Variants in POPDC1 observed in about 807,000 individuals in gnomAD.
POPDC1 encodes the protein popeye domain cAMP effector 1.
the POPDC1 span, among the ~76,000 whole-genome samples, chr6:105,129,682 T>C: frequency 6.6e-6 from 1 of 152,118 alleles, no homozygotes; most frequent in East Asian, 1.9e-4. Flanking sequence ...ACACTACGTT[T>C]TATTGATCTG....
At chr6:105,124,363 C>A in the POPDC1 span, among the ~76,000 whole-genome samples, 2 of 118,732 alleles carry the variant, frequency 1.7e-5, no homozygotes, top group African/African-American at 6.7e-5. Flanking sequence ...GCCTGGGCGA[C>A]AGTGCAAGAC....
chr6:105,127,614 A>AT, the POPDC1 span, among the ~76,000 whole-genome samples: 1 of 150,822 alleles, frequency 6.6e-6, no homozygotes, highest in Non-Finnish European at 1.5e-5. Context: ...TGATTTTTAA[A>AT]TTTTTTGTAG....
chr6:105,109,946 T>A, the POPDC1 span, among the ~76,000 whole-genome samples: 1 of 151,900 alleles, frequency 6.6e-6, no homozygotes, highest in Non-Finnish European at 1.5e-5. Context: ...TATCTATGTA[T>A]ATTAACTTGA....
chr6:105,116,799 C>T, the POPDC1 span: 2 of 1,612,590 alleles, frequency 1.2e-6, no homozygotes, highest in African/African-American at 1.3e-5. Flanking sequence ...GGTTCTGATT[C>T]CAGAAAGTAT....
At chr6:105,125,560 GT>G in the POPDC1 span, 22 of 1,613,848 alleles carry the variant, frequency 1.4e-5, no homozygotes, top group Non-Finnish European at 1.7e-5. Context: ...ATGCCACTGA[GT>G]TCCTTTTCAA....
At chr6:105,113,978 A>G in the POPDC1 span, among the ~76,000 whole-genome samples, 41 of 152,164 alleles carry the variant, frequency 2.7e-4, no homozygotes, top group East Asian at 7.7e-3. Context: ...AACAAAACAA[A>G]AACAAACAAA....
chr6:105,135,127 T>C, the POPDC1 span, among the ~76,000 whole-genome samples: 2 of 152,130 alleles, frequency 1.3e-5, no homozygotes, highest in Non-Finnish European at 2.9e-5. Flanking sequence ...GTACCTACAC[T>C]CCCATTGTCC....
chr6:105,125,883 T>C, the POPDC1 span, among the ~76,000 whole-genome samples: 172 of 151,826 alleles, frequency 1.1e-3, 2 homozygotes, highest in Middle Eastern at 6.8e-3. Context: ...GGTAACACAG[T>C]GAGGCTCTAT....
the POPDC1 span, among the ~76,000 whole-genome samples, chr6:105,106,694 CA>C: frequency 6.6e-6 from 1 of 152,164 alleles, no homozygotes; most frequent in African/African-American, 2.4e-5. Context: ...GCTGCAAGGG[CA>C]AACAAAACAT....
At chr6:105,117,654 T>G in the POPDC1 span, among the ~76,000 whole-genome samples, 1 of 152,278 alleles carries the variant, frequency 6.6e-6, no homozygotes, top group African/African-American at 2.4e-5. Context: ...TGTTAACACT[T>G]CCATCAGTTA....
the POPDC1 span, chr6:105,124,620 T>G: frequency 4.3e-6 from 7 of 1,612,516 alleles, no homozygotes; most frequent in Non-Finnish European, 5.1e-6. Flanking sequence ...GGGGTAAATG[T>G]TATGCAGAAA....
the POPDC1 span, chr6:105,137,147 C>A: frequency 6.6e-6 from 1 of 151,618 alleles, no homozygotes; most frequent in Non-Finnish European, 1.5e-5. Flanking sequence ...AAGCCCGCAG[C>A]CGCTTTGACT....
At chr6:105,116,872 C>A in the POPDC1 span, 1 of 1,609,492 alleles carries the variant, frequency 6.2e-7, no homozygotes, top group Non-Finnish European at 8.5e-7. Flanking sequence ...TGGTGACCTG[C>A]CAAAGAAACA....
chr6:105,116,809 T>C, the POPDC1 span: 8 of 1,612,538 alleles, frequency 5.0e-6, no homozygotes, highest in Non-Finnish European at 8.5e-7. Flanking sequence ...CCAGAAAGTA[T>C]GTTAATCTTT....
At chr6:105,101,808 AG>A in the POPDC1 span, among the ~76,000 whole-genome samples, 1 of 152,156 alleles carries the variant, frequency 6.6e-6, no homozygotes, top group Admixed American at 6.5e-5. Flanking sequence ...GCAGGAGAAA[AG>A]GCAACCCCAG....
chr6:105,136,271 A>G, the POPDC1 span: 2 of 152,166 alleles, frequency 1.3e-5, no homozygotes, highest in African/African-American at 4.8e-5. Context: ...CTGGCCAACA[A>G]CCCGTTCCCA....
chr6:105,116,676 CAAAAT>C, the POPDC1 span: 1 of 1,529,124 alleles, frequency 6.5e-7, no homozygotes, highest in East Asian at 2.3e-5. Flanking sequence ...ATTTATTTAA[CAAAAT>C]AAACTCAGAG....
chr6:105,129,679 G>A, the POPDC1 span, among the ~76,000 whole-genome samples: 3 of 152,094 alleles, frequency 2.0e-5, no homozygotes, highest in East Asian at 1.9e-4. Context: ...TAAACACTAC[G>A]TTTTATTGAT....
the POPDC1 span, among the ~76,000 whole-genome samples, chr6:105,118,968 C>G: frequency 0.82 from 124,036 of 151,952 alleles, 51,483 homozygotes; most frequent in Non-Finnish European, 0.88. Context: ...CCGATCACTT[C>G]AGGCCAGGAG....
Sources: gnomAD v4.1 joint callset for allele counts (sites outside exome capture counted in the v4.1 genomes callset) on GRCh38, gnomAD v4.1.1 for gene constraint, MANE v1.5 for transcripts, NCBI Gene and HGNC (gene_info 2026-07-23, HGNC 2026-07-21) for gene names.